CDH12: variants seen among roughly 807,000 people sequenced by gnomAD.
CDH12 encodes the protein cadherin 12, also known as cadherin-12.
Under a neutral mutation model 74.1 loss-of-function variants are expected in CDH12, and 41 were observed. The ratio of observed to expected loss-of-function variants is 0.55; its 90% CI spans 0.43 to 0.72. CDH12 has a LOEUF of 0.72. Ranked by LOEUF, CDH12 falls within the 30% of genes least tolerant of loss-of-function variation. The probability of loss-of-function intolerance (pLI) is 0.00; values close to 1 mark genes in which losing one functional copy is unlikely to be tolerated. For missense variants in CDH12, 945 were observed against 977.2 expected (o/e 0.97, Z 0.44); for synonymous variants, 399 against 355.0 (o/e 1.12, Z -1.39).
intron 2 of CDH12, among the ~76,000 whole-genome samples, chr5:22,483,072 CTT>C (rs1459560239): frequency 1.3e-5 from 2 of 152,096 alleles, no homozygotes; most frequent in Non-Finnish European, 2.9e-5. Context: ...CTTCTCTTCT[CTT>C]TGTTACTTTG....
intron 6 of CDH12, among the ~76,000 whole-genome samples, chr5:21,942,562 T>C (rs1351768676): frequency 6.6e-6 from 1 of 151,906 alleles, no homozygotes; most frequent in East Asian, 1.9e-4. Flanking sequence ...AATTTTTCTG[T>C]TAAAAGAAAG....
chr5:22,223,210 C>T (rs1055570485), intron 3 of CDH12, among the ~76,000 whole-genome samples: 2 of 151,968 alleles, frequency 1.3e-5, no homozygotes, highest in African/African-American at 4.8e-5. Flanking sequence ...GGGGATTAAT[C>T]CTTAATGCTA....
intron 9 of CDH12, among the ~76,000 whole-genome samples, chr5:21,806,347 A>G (rs1379319633): frequency 6.6e-6 from 1 of 152,146 alleles, no homozygotes; most frequent in Non-Finnish European, 1.5e-5. Context: ...CTAGGAGCCA[A>G]TGAGAGCCTG....
At chr5:22,261,802 AAAT>A (rs1161053910) in intron 3 of CDH12, among the ~76,000 whole-genome samples, 9 of 151,944 alleles carry the variant, frequency 5.9e-5, no homozygotes, top group East Asian at 5.8e-4. Flanking sequence ...AAAAAAAAAA[AAAT>A]ACATGGCTTT....
At chr5:22,524,436 A>G (rs1238629035) in intron 1 of CDH12, among the ~76,000 whole-genome samples, 1 of 152,170 alleles carries the variant, frequency 6.6e-6, no homozygotes, top group Non-Finnish European at 1.5e-5. Context: ...TCTTATGGCA[A>G]TTATGTGTCT....
chr5:22,308,943 GAGAGGAGA>G (rs1353128993), intron 3 of CDH12, among the ~76,000 whole-genome samples: 5 of 72,504 alleles, frequency 6.9e-5, no homozygotes, highest in East Asian at 4.5e-4. Flanking sequence ...AAGAGAGAGA[GAGAGGAGA>G]GAGAGGAGAG....
intron 1 of CDH12, among the ~76,000 whole-genome samples, chr5:22,538,154 C>G (rs77175370): frequency 0.016 from 2,385 of 152,172 alleles, 22 homozygotes; most frequent in Non-Finnish European, 0.024. Context: ...CATTCCATAC[C>G]ATTTGTATCT....
At chr5:22,139,809 T>G (rs943331751) in intron 4 of CDH12, among the ~76,000 whole-genome samples, 10 of 152,176 alleles carry the variant, frequency 6.6e-5, no homozygotes, top group African/African-American at 2.4e-4. Flanking sequence ...TGGCTGCATC[T>G]TAATCACGTT....
chr5:22,105,736 A>G (rs1051862413), intron 4 of CDH12, among the ~76,000 whole-genome samples: 3 of 151,660 alleles, frequency 2.0e-5, no homozygotes, highest in African/African-American at 7.2e-5. Flanking sequence ...GTAAAATAAA[A>G]TAAAATAAAA....
chr5:21,790,716 T>G (rs373253323), intron 10 of CDH12, among the ~76,000 whole-genome samples: 1 of 151,996 alleles, frequency 6.6e-6, no homozygotes. Flanking sequence ...AGCGTGTGAG[T>G]GTATGTGTAT....
chr5:22,752,056 AG>A (rs1424760448), intron 1 of CDH12, among the ~76,000 whole-genome samples: 5 of 152,306 alleles, frequency 3.3e-5, no homozygotes, highest in South Asian at 2.1e-4. Context: ...GATGTTCTAG[AG>A]AAAAGTAGCA....
intron 1 of CDH12, among the ~76,000 whole-genome samples, chr5:22,591,093 A>G (rs759817999): frequency 1.3e-5 from 2 of 152,118 alleles, no homozygotes; most frequent in Non-Finnish European, 2.9e-5. Flanking sequence ...CCTCCCCGTT[A>G]ATGCAGTTTG....
intron 1 of CDH12, among the ~76,000 whole-genome samples, chr5:22,549,248 T>C (rs1322575078): frequency 6.6e-6 from 1 of 151,948 alleles, no homozygotes; most frequent in Non-Finnish European, 1.5e-5. Flanking sequence ...GCTGAGATTA[T>C]AGACCTGAGC....
intron 4 of CDH12, among the ~76,000 whole-genome samples, chr5:22,195,899 C>G (rs1750589560): frequency 6.6e-6 from 1 of 152,098 alleles, no homozygotes; most frequent in African/African-American, 2.4e-5. Flanking sequence ...CTTTCTTTCT[C>G]TCTTTCATTT....
chr5:22,705,063 G>C (rs900357232), intron 1 of CDH12, among the ~76,000 whole-genome samples: 3 of 151,142 alleles, frequency 2.0e-5, no homozygotes, highest in Non-Finnish European at 4.4e-5. Context: ...TAATGTGCGT[G>C]TTTGTGGGGG....
intron 6 of CDH12, among the ~76,000 whole-genome samples, chr5:21,927,739 T>C (rs957430750): frequency 4.6e-5 from 7 of 151,906 alleles, no homozygotes; most frequent in African/African-American, 1.5e-4. Flanking sequence ...ATGCTTGCAA[T>C]TGAGATTTCA....
At chr5:22,351,455 A>G (rs1023931243) in intron 3 of CDH12, among the ~76,000 whole-genome samples, 1 of 152,186 alleles carries the variant, frequency 6.6e-6, no homozygotes, top group Non-Finnish European at 1.5e-5. Flanking sequence ...CTTTATTACA[A>G]TGCCTCAGGC....
At chr5:22,402,931 T>C (rs1021947628) in intron 3 of CDH12, among the ~76,000 whole-genome samples, 1 of 152,104 alleles carries the variant, frequency 6.6e-6, no homozygotes, top group Non-Finnish European at 1.5e-5. Context: ...ATTGGCAGCT[T>C]GGATTGAAAG....
chr5:22,476,370 A>G (rs1428763540), intron 2 of CDH12, among the ~76,000 whole-genome samples: 1 of 152,012 alleles, frequency 6.6e-6, no homozygotes, highest in Non-Finnish European at 1.5e-5. Flanking sequence ...CATCATTCAT[A>G]TTAAATAGTA....
Sources: gnomAD v4.1 joint callset for allele counts (sites outside exome capture counted in the v4.1 genomes callset) on GRCh38, gnomAD v4.1.1 for gene constraint, MANE v1.5 for transcripts, NCBI Gene and HGNC (gene_info 2026-07-23, HGNC 2026-07-21) for gene names.